Variants in CACNA1E observed in about 807,000 individuals in gnomAD.
CACNA1E encodes the protein calcium voltage-gated channel subunit alpha1 E.
In CACNA1E, 40 loss-of-function variants were observed where a neutral mutation model predicts 259.2. The observed-to-expected ratio is 0.15, with a 90% confidence interval of 0.12 to 0.20. The LOEUF is 0.20. Ranked by LOEUF, CACNA1E falls within the 10% of genes least tolerant of loss-of-function variation. The probability of loss-of-function intolerance (pLI) is 1.00; values close to 1 mark genes in which losing one functional copy is unlikely to be tolerated. For missense variants in CACNA1E, 1,874 were observed against 3,040.1 expected, an observed-to-expected ratio of 0.62 and a Z score of 9.02; for synonymous variants, 1,104 against 1,138.5, an observed-to-expected ratio of 0.97 and a Z score of 0.61.
chr1:181,501,469 A>C (rs1358101821), intron 1 of CACNA1E, among the ~76,000 whole-genome samples: 1 of 152,226 alleles, frequency 6.6e-6, no homozygotes, highest in Non-Finnish European at 1.5e-5. Context: ...TTTGGTCTAA[A>C]GTAATGAGAA....
intron 21 of CACNA1E, among the ~76,000 whole-genome samples, chr1:181,734,527 C>T (rs1306001732): frequency 1.3e-5 from 2 of 148,460 alleles, no homozygotes; most frequent in Admixed American, 1.3e-4. Flanking sequence ...CTTATCCTTG[C>T]CCTGACCCCA....
At chr1:181,756,873 C>T (rs946911575) in intron 29 of CACNA1E, 52 bp from the exon 30 acceptor site, 14 of 1,219,274 alleles carry the variant, frequency 1.1e-5, no homozygotes, top group South Asian at 2.5e-5. Flanking sequence ...CATTTCCTAA[C>T]GAAGCCAAGA....
At chr1:181,496,886 T>C (rs1430055825) in intron 1 of CACNA1E, among the ~76,000 whole-genome samples, 2 of 152,196 alleles carry the variant, frequency 1.3e-5, no homozygotes, top group Non-Finnish European at 2.9e-5. Context: ...CTGAGCCATA[T>C]GGATGCACAA....
chr1:181,653,064 C>T (rs1436503155), intron 7 of CACNA1E, among the ~76,000 whole-genome samples: 1 of 152,124 alleles, frequency 6.6e-6, no homozygotes, highest in Non-Finnish European at 1.5e-5. Flanking sequence ...AGGTTCCTAC[C>T]TCATCACCTT....
At chr1:181,668,252 T>C (rs1193623252) in intron 7 of CACNA1E, among the ~76,000 whole-genome samples, 1 of 152,264 alleles carries the variant, frequency 6.6e-6, no homozygotes. Context: ...TAGAAAACTT[T>C]TTGAAATTGA....
At chr1:181,414,546 A>G (rs2102156742) in intron 2 of CACNA1E, among the ~76,000 whole-genome samples, 1 of 152,244 alleles carries the variant, frequency 6.6e-6, no homozygotes, top group African/African-American at 2.4e-5. Flanking sequence ...TTCAGAGAGG[A>G]GTTGGGCACA....
rs1662070026 is a variant in CACNA1E at position 181,798,994 on chromosome 1, C to T, written c.*160C>T. On this transcript the variant is annotated 3_prime_UTR_variant, in exon 48 of 48. Coordinates refer to ENST00000367573, the MANE Select transcript of CACNA1E (RefSeq NM_001205293.3). The surrounding 1 kb of genome is among the most constrained non-coding windows in gnomAD (Gnocchi z 4.2). ...AGGAAGTAAAGGACAATCAGAACAC[C>T]AGTCAAACCCACCAAATTGCTTTAT... 3.3e-6 allele frequency: 2 copies of T among 602,742 alleles called. No homozygotes were observed. Among genetic ancestry groups the T allele is most frequent in the Non-Finnish European group, 2.6e-6 (1 of 377,688 alleles). 37.3% of individuals were successfully genotyped at this position (602,742 alleles called of 1,614,324 possible).
intron 38 of CACNA1E, among the ~76,000 whole-genome samples, chr1:181,778,988 A>G (rs1191358163): frequency 6.6e-6 from 1 of 152,230 alleles, no homozygotes; most frequent in Non-Finnish European, 1.5e-5. Flanking sequence ...CTGCCCCTGA[A>G]AAGTGGGTCT....
intron 6 of CACNA1E, among the ~76,000 whole-genome samples, chr1:181,590,483 A>G (rs1652538408): frequency 6.6e-6 from 1 of 151,422 alleles, no homozygotes; most frequent in Admixed American, 6.6e-5. Flanking sequence ...CTGCACTGGA[A>G]TATCTTTGAT....
intron 1 of CACNA1E, among the ~76,000 whole-genome samples, chr1:181,496,519 G>A (rs1018269024): frequency 1.3e-5 from 2 of 152,124 alleles, no homozygotes; most frequent in African/African-American, 4.8e-5. Context: ...GGGCCTCTAT[G>A]TTTGTTCTAT....
intron 3 of CACNA1E, among the ~76,000 whole-genome samples, chr1:181,554,325 G>A (rs1370564160): frequency 6.6e-6 from 1 of 152,144 alleles, no homozygotes; most frequent in Non-Finnish European, 1.5e-5. Context: ...GAATTTAGTT[G>A]TTATTCAGTA....
intron 2 of CACNA1E, among the ~76,000 whole-genome samples, chr1:181,442,527 C>T (rs1052465573): frequency 5.9e-5 from 9 of 152,120 alleles, no homozygotes; most frequent in Non-Finnish European, 1.0e-4. Flanking sequence ...TTTGTTCTTG[C>T]GCCTTCTCTT....
At position 181,388,533 on chromosome 1, in the gene CACNA1E, A is replaced by G. The variant is rs115603921; in HGVS notation, c.-14-24600A>G. On this transcript the variant is annotated intron_variant, in intron 1 of 11. Coordinates refer to the CACNA1E transcript ENST00000524607. ...ACTGAATACTGTAGGCCCTTGTAAC[A>G]CAATGGTAAGTATTTGTGTATCTAA... Among the ~76,000 whole-genome samples, 428 of 152,316 alleles carry G rather than the reference A, an allele frequency of 2.8e-3. 6 individuals are homozygous for G. Among genetic ancestry groups the G allele is most frequent in the African/African-American group, 0.01 (418 of 41,558 alleles).
At chr1:181,374,582 C>T (rs1051062707) in intron 1 of CACNA1E, among the ~76,000 whole-genome samples, 1 of 147,008 alleles carries the variant, frequency 6.8e-6, no homozygotes, top group African/African-American at 2.5e-5. Flanking sequence ...CCCATCTCAG[C>T]CTCCTGAACA....
chr1:181,770,392 G>A (rs1398288339), intron 35 of CACNA1E, among the ~76,000 whole-genome samples: 1 of 152,176 alleles, frequency 6.6e-6, no homozygotes, highest in African/African-American at 2.4e-5. Flanking sequence ...GTGTCTGGGA[G>A]TTCATCATTA....
chr1:181,726,832 G>C (rs1213663680), intron 18 of CACNA1E, among the ~76,000 whole-genome samples: 1 of 152,086 alleles, frequency 6.6e-6, no homozygotes, highest in Admixed American at 6.6e-5. Flanking sequence ...TGGGGGTTTA[G>C]ACTAGGGTGG....
rs1359165249 is a variant in CACNA1E at position 181,722,050 on chromosome 1, G to A, written c.2074+175G>A. On this transcript the variant is annotated intron_variant, in intron 16 of 47. Transcript: ENST00000367573. Reference sequence around the variant, plus strand: ...CTGAAGGACTTTATGTACTAGTTGGGTAAAGAATACAAACGTAAACAAGAT... The same window carrying A: ...CTGAAGGACTTTATGTACTAGTTGGATAAAGAATACAAACGTAAACAAGAT... Among the ~76,000 whole-genome samples, 3 of 152,132 alleles carry A rather than the reference G, an allele frequency of 2.0e-5. No homozygotes were observed. In the East Asian group the frequency reaches 5.8e-4, roughly 29 times the overall value.
At chr1:181,606,872 T>C (rs915927487) in intron 6 of CACNA1E, among the ~76,000 whole-genome samples, 2 of 152,206 alleles carry the variant, frequency 1.3e-5, no homozygotes, top group Non-Finnish European at 2.9e-5. Flanking sequence ...TTCCTACTTA[T>C]TGTTTCCATC....
chr1:181,358,799 T>C (rs1049916469), intron 1 of CACNA1E, among the ~76,000 whole-genome samples: 1 of 152,228 alleles, frequency 6.6e-6, no homozygotes, highest in Non-Finnish European at 1.5e-5. Flanking sequence ...TGCTACATAA[T>C]GTCCCCGTAA....
Sources: allele counts gnomAD v4.1 joint callset (sites outside exome capture counted in the v4.1 genomes callset), GRCh38; gene constraint gnomAD v4.1.1; non-coding constraint Gnocchi (gnomAD v3.1); transcripts MANE v1.5; gene names NCBI Gene and HGNC (gene_info 2026-07-23, HGNC 2026-07-21).